Variants in SIK2 observed in about 807,000 individuals in gnomAD.
The protein encoded by SIK2 is serine/threonine-protein kinase SIK2.
In SIK2, 29 loss-of-function variants were observed where a neutral mutation model predicts 103.2. That is an observed-to-expected ratio of 0.28 (90% CI 0.21 to 0.38). SIK2 has a LOEUF of 0.38. Ranked by LOEUF, SIK2 falls within the 10% of genes least tolerant of loss-of-function variation. The pLI, the probability that SIK2 is intolerant of heterozygous loss-of-function variation, is 1.00. For synonymous variants in SIK2, 412 were observed against 446.1 expected (o/e 0.92, Z 0.96); for missense variants, 879 against 1,171.0 (o/e 0.75, Z 3.64).
In SIK2 at chr11:111,712,195, C is replaced by G. The variant is rs771706132; in HGVS notation, c.1102-16C>G. On this transcript the variant is annotated splice_polypyrimidine_tract_variant and intron_variant, in intron 8 of 14. Coordinates refer to ENST00000304987, the MANE Select transcript of SIK2 (RefSeq NM_015191.3). Reference sequence around the variant, plus strand: ...TATTCATGTTCCCAAACTGTCTGTTCTTGCCATATTTACAGGCACAGACTG... The same window carrying G: ...TATTCATGTTCCCAAACTGTCTGTTGTTGCCATATTTACAGGCACAGACTG... 6.2e-7 allele frequency: 1 copy of G among 1,612,506 alleles called. No individual in the cohort carries two copies. The highest frequency in any genetic ancestry group is 8.5e-7 in the Non-Finnish European group (1 of 1,179,092).
chr11:111,640,240 G>T (rs931376722), intron 3 of SIK2, among the ~76,000 whole-genome samples: 1 of 152,156 alleles, frequency 6.6e-6, no homozygotes, highest in Non-Finnish European at 1.5e-5. Context: ...CCAGTTGCTA[G>T]TCCATCAGTT....
At chr11:111,703,456 C>T in intron 7 of SIK2, 33 bp downstream of exon 7, 6 of 1,588,728 alleles carry the variant, frequency 3.8e-6, no homozygotes, top group Non-Finnish European at 5.2e-6. Flanking sequence ...GGTTCTACTG[C>T]ACTTAGCTAC....
At chr11:111,671,522 A>G (rs1942627238) in intron 3 of SIK2, 2 of 299,796 alleles carry the variant, frequency 6.7e-6, no homozygotes, top group Admixed American at 4.3e-5. Context: ...AGCTCCTGCA[A>G]CTCCTCATAC....
chr11:111,631,686 C>T (rs1942041253), intron 3 of SIK2, among the ~76,000 whole-genome samples: 1 of 152,182 alleles, frequency 6.6e-6, no homozygotes, highest in African/African-American at 2.4e-5. Flanking sequence ...CTGTGCATAA[C>T]TCCCAGCAGC....
chr11:111,605,109 C>A (rs917328446), intron 1 of SIK2, among the ~76,000 whole-genome samples: 2 of 152,022 alleles, frequency 1.3e-5, no homozygotes, highest in Non-Finnish European at 2.9e-5. Flanking sequence ...ATTACAGGCG[C>A]TCACCACCAT....
chr11:111,703,263 C>G lies in SIK2; in HGVS notation c.788C>G (p.Ala263Gly). Residue 263 changes from alanine (A) to glycine (G), a missense_variant, in exon 7 of 15, where the codon GCC (alanine) becomes GGC (glycine). By Grantham distance (60) the Ala-to-Gly change is moderately conservative (BLOSUM62 0). Coordinates refer to ENST00000304987, the MANE Select transcript of SIK2 (RefSeq NM_015191.3). ...GACCCATCCAAACGGCTAACCATAGCCCAAATCAAGGAGCATAAATGGATG... is the reference window on the plus strand; with the variant it reads ...GACCCATCCAAACGGCTAACCATAGGCCAAATCAAGGAGCATAAATGGATG... ...VLDPSKRLTI[A>G]QIKEHKWMLI... The G allele has an allele frequency of 1.2e-6, 2 of 1,614,162 alleles. No homozygotes were observed. The highest frequency in any genetic ancestry group is 1.7e-6 in the Non-Finnish European group (2 of 1,180,020).
chr11:111,612,605 A>T (rs1364627451), intron 1 of SIK2, among the ~76,000 whole-genome samples: 2 of 152,128 alleles, frequency 1.3e-5, no homozygotes, highest in Non-Finnish European at 2.9e-5. Context: ...AAAATCACCC[A>T]TGAAGATCCC....
chr11:111,620,139 A>G (rs986240783), intron 2 of SIK2, among the ~76,000 whole-genome samples, 200 bp from the exon 3 acceptor site: 6 of 152,232 alleles, frequency 3.9e-5, no homozygotes, highest in Non-Finnish European at 7.3e-5. Context: ...CAAGGACCAC[A>G]CTTAGAAGAG....
chr11:111,668,179 A>AGT (rs112931431), intron 3 of SIK2, among the ~76,000 whole-genome samples: 38,169 of 150,828 alleles, frequency 0.25, 5,263 homozygotes, highest in African/African-American at 0.35. Flanking sequence ...TAAAGTAAGG[A>AGT]GTGTGTGTGT....
At chr11:111,641,809 T>C (rs956794492) in intron 3 of SIK2, among the ~76,000 whole-genome samples, 3 of 152,156 alleles carry the variant, frequency 2.0e-5, no homozygotes, top group Non-Finnish European at 4.4e-5. Flanking sequence ...ATGTGTACCG[T>C]ATGAGAGACA....
chr11:111,704,811 C>T (rs1441740017), intron 7 of SIK2, among the ~76,000 whole-genome samples, 176 bp from the exon 8 acceptor site: 2 of 152,190 alleles, frequency 1.3e-5, no homozygotes, highest in East Asian at 1.9e-4. Flanking sequence ...ATACTAGAGA[C>T]TTGAAGTTTT....
intron 3 of SIK2, among the ~76,000 whole-genome samples, chr11:111,638,126 A>G (rs1015942529): frequency 1.3e-5 from 2 of 152,152 alleles, no homozygotes; most frequent in Non-Finnish European, 2.9e-5. Context: ...CCAAGAGAAG[A>G]TTCTTTGTCT....
At chr11:111,610,431 C>T (rs1591585650) in intron 1 of SIK2, among the ~76,000 whole-genome samples, 1 of 150,446 alleles carries the variant, frequency 6.6e-6, no homozygotes, top group East Asian at 1.9e-4. Flanking sequence ...GCAGAGGTTG[C>T]ACTGAGCTGA....
Position 111,710,976 on chromosome 11 carries a change from T to C in SIK2, c.1102-1235T>C, listed in dbSNP as rs1268019154. Among the ~76,000 whole-genome samples, 4 of 152,214 alleles carry C rather than the reference T, an allele frequency of 2.6e-5. No individual in the cohort carries two copies. In the East Asian group the frequency reaches 5.8e-4, roughly 22 times the overall value. On this transcript the variant is annotated intron_variant, in intron 8 of 14. Coordinates refer to ENST00000304987, the MANE Select transcript of SIK2 (RefSeq NM_015191.3). The stretch of plus-strand genomic sequence containing the variant: ...AGTATGATGATTGTTTTCTCAGATG[T>C]GGTGCAGTGCCTGTTGTATTCAAAA...
At chr11:111,629,639 GA>G in intron 3 of SIK2, among the ~76,000 whole-genome samples, 1 of 152,032 alleles carries the variant, frequency 6.6e-6, no homozygotes, top group East Asian at 1.9e-4. Flanking sequence ...ACCATAAAAA[GA>G]CAACCCAATT....
chr11:111,617,237 G>A (rs1350099027), intron 2 of SIK2, among the ~76,000 whole-genome samples: 1 of 152,056 alleles, frequency 6.6e-6, no homozygotes, highest in Non-Finnish European at 1.5e-5. Flanking sequence ...TGGGCTTTTA[G>A]TGCACCCACC....
chr11:111,694,509 G>A (rs757862829), intron 4 of SIK2, among the ~76,000 whole-genome samples: 2 of 152,060 alleles, frequency 1.3e-5, no homozygotes, highest in African/African-American at 2.4e-5. Flanking sequence ...ATGACCTTGA[G>A]TCAAGGTTTC....
In SIK2 at chr11:111,724,882, C is replaced by T. The variant is rs1943920082; in HGVS notation, c.*753C>T. The T allele has an allele frequency of 1.3e-5, 2 of 152,306 alleles. No homozygotes were observed. The highest frequency in any genetic ancestry group is 6.5e-5 in the Admixed American group (1 of 15,282). 9.4% of individuals were successfully genotyped at this position (152,306 alleles called of 1,614,324 possible). A position where few individuals can be genotyped will look rare whatever the true frequency, so the allele number is the denominator to read the frequency against. On this transcript the variant is annotated 3_prime_UTR_variant, in exon 15 of 15. Transcript: ENST00000304987. ...GTGGAACTGACAGGAGACCCGCCACCGTGGAGGCAGGGGGCAAGAAACTCA... is the reference window on the plus strand; with the variant it reads ...GTGGAACTGACAGGAGACCCGCCACTGTGGAGGCAGGGGGCAAGAAACTCA...
At chr11:111,702,639 GAGGTTACCTT>G (rs1403010892) in intron 6 of SIK2, among the ~76,000 whole-genome samples, 2 of 152,184 alleles carry the variant, frequency 1.3e-5, no homozygotes, top group Non-Finnish European at 2.9e-5. Flanking sequence ...ATAGTGACAG[GAGGTTACCTT>G]ATGTGTGAGT....
Sources: allele counts gnomAD v4.1 joint callset (sites outside exome capture counted in the v4.1 genomes callset), GRCh38; gene constraint gnomAD v4.1.1; transcripts MANE v1.5; gene names NCBI Gene and HGNC (gene_info 2026-07-23, HGNC 2026-07-21).